Variants in COL25A1 observed in about 807,000 individuals in gnomAD.
The protein encoded by COL25A1 is collagen type XXV alpha 1 chain, also known as collagen alpha-1(XXV) chain.
A neutral mutation model predicts 128.4 loss-of-function variants in COL25A1; 103 were observed. The ratio of observed to expected loss-of-function variants is 0.80; its 90% confidence interval spans 0.68 to 0.94. The LOEUF (loss-of-function observed/expected upper bound fraction) is 0.94. Among genes scored for constraint, COL25A1 ranks in the 40% least tolerant of loss-of-function variants. COL25A1 has a pLI of 0.00. For synonymous variants in COL25A1, 279 were observed against 277.2 expected, an observed-to-expected ratio of 1.01 and a Z score of -0.06; for missense variants, 745 against 840.0, an observed-to-expected ratio of 0.89 and a Z score of 1.40.
At chr4:108,835,744 G>C (rs1422947908) in intron 31 of COL25A1, among the ~76,000 whole-genome samples, 1 of 150,928 alleles carries the variant, frequency 6.6e-6, no homozygotes, top group Non-Finnish European at 1.5e-5. Context: ...GTAGAGACAG[G>C]GTTTCATCAT....
chr4:109,297,690 TCA>T (rs974611657), intron 3 of COL25A1, among the ~76,000 whole-genome samples: 1 of 151,990 alleles, frequency 6.6e-6, no homozygotes, highest in Non-Finnish European at 1.5e-5. Context: ...TCTCCAGGTC[TCA>T]GTTTTCCCAC....
At chr4:108,855,002 T>A (rs905160321) in intron 24 of COL25A1, among the ~76,000 whole-genome samples, 14 of 152,172 alleles carry the variant, frequency 9.2e-5, no homozygotes, top group African/African-American at 3.4e-4. Flanking sequence ...CTGGTCTAGG[T>A]TCTGTGCTGA....
At chr4:109,098,868 A>T (rs1765641153) in intron 3 of COL25A1, among the ~76,000 whole-genome samples, 1 of 152,190 alleles carries the variant, frequency 6.6e-6, no homozygotes, top group South Asian at 2.1e-4. Flanking sequence ...TAGCAGTTAC[A>T]TTAGGTTGTA....
At chr4:109,264,488 A>G (rs1781662642) in intron 3 of COL25A1, among the ~76,000 whole-genome samples, 1 of 152,250 alleles carries the variant, frequency 6.6e-6, no homozygotes, top group African/African-American at 2.4e-5. Flanking sequence ...GAAGGAACAG[A>G]GCAAAATGGA....
At chr4:108,938,394 A>G (rs1365488041) in intron 10 of COL25A1, among the ~76,000 whole-genome samples, 2 of 152,206 alleles carry the variant, frequency 1.3e-5, no homozygotes, top group African/African-American at 2.4e-5. Flanking sequence ...GTCTTTCAAA[A>G]TAAGTATTTC....
At chr4:109,273,315 AT>A (rs1319390372) in intron 3 of COL25A1, among the ~76,000 whole-genome samples, 1 of 152,166 alleles carries the variant, frequency 6.6e-6, no homozygotes, top group Non-Finnish European at 1.5e-5. Context: ...CGTGTAAAAA[AT>A]ATATCCCCAA....
chr4:109,231,209 A>C (rs981982466), intron 3 of COL25A1, among the ~76,000 whole-genome samples: 6 of 152,040 alleles, frequency 3.9e-5, no homozygotes, highest in Non-Finnish European at 7.4e-5. Flanking sequence ...TAATCAATAA[A>C]ATTATTCATG....
At chr4:109,177,330 A>G (rs1008217752) in intron 3 of COL25A1, among the ~76,000 whole-genome samples, 8 of 152,218 alleles carry the variant, frequency 5.3e-5, no homozygotes, top group Admixed American at 3.3e-4. Context: ...TAGTGTAAAC[A>G]AAACCTAAAC....
intron 3 of COL25A1, among the ~76,000 whole-genome samples, chr4:109,256,085 G>GGTGTGT (rs60794002): frequency 0.097 from 13,922 of 143,238 alleles, 928 homozygotes; most frequent in African/African-American, 0.19. Flanking sequence ...TTTAAGCATT[G>GGTGTGT]GTGTGTGTGT....
chr4:109,186,661 G>A (rs1238615465), intron 3 of COL25A1, among the ~76,000 whole-genome samples: 2 of 152,166 alleles, frequency 1.3e-5, no homozygotes, highest in African/African-American at 4.8e-5. Flanking sequence ...CCTGACAAAT[G>A]GGACAGGATC....
At chr4:108,819,909 A>G (rs556290185) in intron 35 of COL25A1, 158 of 1,185,054 alleles carry the variant, frequency 1.3e-4, no homozygotes, top group Non-Finnish European at 1.6e-4. Context: ...CTGTGGATAC[A>G]AGGGTTTAAA....
intron 3 of COL25A1, among the ~76,000 whole-genome samples, chr4:109,227,902 T>C (rs1465051201): frequency 6.6e-6 from 1 of 152,122 alleles, no homozygotes; most frequent in Non-Finnish European, 1.5e-5. Flanking sequence ...GGGATGCTGG[T>C]AATGGTGGCT....
Position 109,291,844 on chromosome 4 carries a change from A to G in COL25A1, c.367+8739T>C, listed in dbSNP as rs17040281. ...TTTTCTAACGAACAGTACCATGCTC[A>G]GTTACACAGTGCATTTACCCAGCTT... is the stretch of plus-strand genomic sequence containing the variant. On this transcript the variant is annotated intron_variant, in intron 3 of 37. Coordinates refer to ENST00000399132, the MANE Select transcript of COL25A1 (RefSeq NM_198721.4). Among the ~76,000 whole-genome samples the G allele has an allele frequency of 5.9e-3, 900 of 152,252 alleles. 10 individuals carry two copies. Among genetic ancestry groups the G allele is most frequent in the African/African-American group, 0.021 (864 of 41,558 alleles).
chr4:108,901,510 C>T (rs963135400), intron 13 of COL25A1, among the ~76,000 whole-genome samples: 6 of 151,870 alleles, frequency 4.0e-5, no homozygotes, highest in Admixed American at 3.3e-4. Flanking sequence ...ATAAGACTCT[C>T]CTGGCAAAAA....
At chr4:109,296,704 T>G (rs1725022038) in intron 3 of COL25A1, among the ~76,000 whole-genome samples, 1 of 152,126 alleles carries the variant, frequency 6.6e-6, no homozygotes, top group South Asian at 2.1e-4. Context: ...AAGCCAGGAT[T>G]AGAACTTTGG....
chr4:108,837,875 A>G (rs1180095224), intron 31 of COL25A1, among the ~76,000 whole-genome samples: 1 of 152,232 alleles, frequency 6.6e-6, no homozygotes, highest in East Asian at 1.9e-4. Flanking sequence ...TATGTAATTG[A>G]AGAATGACAG....
chr4:109,090,840 A>G (rs1156554674), intron 3 of COL25A1, among the ~76,000 whole-genome samples: 5 of 152,220 alleles, frequency 3.3e-5, no homozygotes, highest in Non-Finnish European at 7.3e-5. Context: ...GACATCTTCG[A>G]GGGATGAGTG....
intron 3 of COL25A1, among the ~76,000 whole-genome samples, chr4:109,077,538 A>G (rs1763486593): frequency 6.6e-6 from 1 of 151,804 alleles, no homozygotes; most frequent in African/African-American, 2.4e-5. Context: ...TCTAGCAGGT[A>G]CTAGGCCTAA....
chr4:109,082,785 G>A (rs1046096999), intron 3 of COL25A1, among the ~76,000 whole-genome samples: 2 of 151,878 alleles, frequency 1.3e-5, no homozygotes, highest in African/African-American at 2.4e-5. Context: ...TTTTATTTTA[G>A]GTTCGTGGTT....
Sources: gnomAD v4.1 joint callset for allele counts (sites outside exome capture counted in the v4.1 genomes callset) on GRCh38, gnomAD v4.1.1 for gene constraint, MANE v1.5 for transcripts, NCBI Gene and HGNC (gene_info 2026-07-23, HGNC 2026-07-21) for gene names.